The following SDF4 variants were observed in gnomAD, a reference collection of about 807,000 sequenced individuals.
SDF4 encodes the protein 45 kDa calcium-binding protein.
A neutral mutation model predicts 34.2 loss-of-function variants in SDF4; 22 were observed. The observed-to-expected ratio is 0.64, with a 90% CI of 0.46 to 0.92. The LOEUF (loss-of-function observed/expected upper bound fraction) is 0.92, where lower values mean the gene tolerates loss of function less well. Among genes scored for constraint, SDF4 ranks in the 40% least tolerant of loss-of-function variants. The pLI is 0.00. For synonymous variants in SDF4, 236 were observed against 203.1 expected, an observed-to-expected ratio of 1.16 and a Z score of -1.38; for missense variants, 447 against 499.9, an observed-to-expected ratio of 0.89 and a Z score of 1.01.
chr1:1,227,106 C>T (rs989138883), intron 2 of SDF4, among the ~76,000 whole-genome samples: 5 of 152,212 alleles, frequency 3.3e-5, no homozygotes, highest in Admixed American at 6.5e-5. Flanking sequence ...ACCTGTGCTC[C>T]GCCCGAAAGC....
chr1:1,219,203 A>AG, intron 4 of SDF4: 1 of 1,195,094 alleles, frequency 8.4e-7, no homozygotes, highest in Non-Finnish European at 1.0e-6. Flanking sequence ...GACAGCCTGG[A>AG]CCCCCCCCTG....
intron 4 of SDF4, among the ~76,000 whole-genome samples, chr1:1,221,824 G>A (rs1205220891): frequency 1.3e-5 from 2 of 152,160 alleles, no homozygotes. Flanking sequence ...GCCAGGCGCG[G>A]TGATGGTGCC....
Position 1,228,819 on chromosome 1 carries a change from G to C in SDF4, c.-47C>G. Reference sequence around the variant, plus strand: ...GGGGCGGGCTGCAGGGTGTGGGCCAGGTGCTGGGAGGGGCAGGGGCAGGGG... The same window carrying C: ...GGGGCGGGCTGCAGGGTGTGGGCCACGTGCTGGGAGGGGCAGGGGCAGGGG... On this transcript the variant is annotated 5_prime_UTR_variant, in exon 2 of 7. Coordinates refer to ENST00000360001, the MANE Select transcript of SDF4 (RefSeq NM_016176.6). 1.3e-6 allele frequency: 2 copies of C among 1,531,860 alleles called. No homozygotes were observed. Among genetic ancestry groups the C allele is most frequent in the South Asian group, 2.3e-5 (2 of 86,096 alleles). The allele number at this position is 1,531,860 out of a possible 1,614,324, so 94.9% of individuals were successfully genotyped here.
intron 2 of SDF4, among the ~76,000 whole-genome samples, chr1:1,224,898 C>T (rs1219353588): frequency 1.3e-5 from 2 of 152,170 alleles, no homozygotes; most frequent in African/African-American, 4.8e-5. Flanking sequence ...GGGCGGCATA[C>T]CGAGACCCTG....
Position 1,217,328 on chromosome 1 carries a change from A to C in SDF4, c.*184T>G. ...CCCGCGCCCCGACCGCGTCACAGCC[A>C]AAGCCCCGCCGGGGTGCGCGCTGCA... On this transcript the variant is annotated 3_prime_UTR_variant, in exon 7 of 7. Transcript: ENST00000360001. This position sits in a 1 kb window ranked among gnomAD's most constrained non-coding sequence, Gnocchi z 8.5. 2.9e-6 allele frequency: 1 copy of C among 341,390 alleles called. No individual in the cohort carries two copies. 21.1% of individuals were successfully genotyped at this position (341,390 alleles called of 1,614,324 possible).
rs933447818 is a variant in SDF4 at position 1,217,078 on chromosome 1, C to A, written c.*434G>T. On this transcript the variant is annotated 3_prime_UTR_variant, in exon 7 of 7. Transcript: ENST00000360001. This position sits in a 1 kb window ranked among gnomAD's most constrained non-coding sequence, Gnocchi z 8.5. ...GAACTTCCTGGCTACTCATTTCCAG[C>A]GAAGTTTAATCTATTTTTAATAATC... 6.6e-6 allele frequency: 1 copy of A among 152,266 alleles called. No homozygotes were observed. The highest frequency in any genetic ancestry group is 2.4e-5 in the African/African-American group (1 of 41,440). The allele number at this position is 152,266 out of a possible 1,614,324, so 9.4% of individuals were successfully genotyped here.
chr1:1,223,192 C>T (rs144882967), intron 4 of SDF4, 52 bp downstream of exon 4: 19 of 1,228,294 alleles, frequency 1.5e-5, no homozygotes, highest in African/African-American at 3.0e-5. Flanking sequence ...AACACACGCG[C>T]GCACACACAG....
rs113181123 is a variant in SDF4, at chr1:1,228,882, C to T, written c.-110G>A. On this transcript the variant is annotated 5_prime_UTR_variant, in exon 2 of 7. Transcript: ENST00000360001. ...TGAGGTCCTGGCTCCAATCCAATCC[C>T]CGGGCACCACGGAGGGCTCTGTGTC... 14 of 1,026,948 alleles carry T rather than the reference C, an allele frequency of 1.4e-5. No homozygotes were observed. Among genetic ancestry groups the T allele is most frequent in the African/African-American group, 8.0e-5 (5 of 62,340 alleles). 63.6% of individuals were successfully genotyped at this position (1,026,948 alleles called of 1,614,324 possible). A position where few individuals can be genotyped will look rare whatever the true frequency, so the allele number is the denominator to read the frequency against.
Position 1,228,893 on chromosome 1 carries a change from G to A in SDF4, c.-121C>T, listed in dbSNP as rs564465792. On this transcript the variant is annotated 5_prime_UTR_variant, in exon 2 of 7. Transcript: ENST00000360001. Reference sequence around the variant, plus strand: ...CTCCAATCCAATCCCCGGGCACCACGGAGGGCTCTGTGTCCCCAGGACGGC... The same window carrying A: ...CTCCAATCCAATCCCCGGGCACCACAGAGGGCTCTGTGTCCCCAGGACGGC... 221 of 919,798 alleles carry A rather than the reference G, an allele frequency of 2.4e-4. 2 individuals are homozygous for A. The Admixed American group carries it at 2.7e-3, about 11-fold the overall frequency. 57.0% of individuals were successfully genotyped at this position (919,798 alleles called of 1,614,324 possible).
chr1:1,224,973 C>T (rs932081725), intron 2 of SDF4, among the ~76,000 whole-genome samples: 17 of 152,082 alleles, frequency 1.1e-4, no homozygotes, highest in African/African-American at 3.4e-4. Context: ...GGAAGAAGAC[C>T]GTGTGGGGAC....
intron 3 of SDF4, 147 bp downstream of exon 3, chr1:1,223,685 A>AC: frequency 1.3e-6 from 1 of 767,530 alleles, no homozygotes; most frequent in South Asian, 1.8e-5. Context: ...GCTTCCGTGC[A>AC]CCCCACCACA....
intron 4 of SDF4, among the ~76,000 whole-genome samples, chr1:1,222,516 C>T (rs1300100665): frequency 1.3e-5 from 2 of 152,226 alleles, no homozygotes; most frequent in Admixed American, 1.3e-4. Context: ...CTGGTGACCA[C>T]CTGACGGCCA....
At chr1:1,223,198 C>A in intron 4 of SDF4, 46 bp downstream of exon 4, 1 of 1,343,286 alleles carries the variant, frequency 7.4e-7, no homozygotes, top group Non-Finnish European at 1.1e-6. Context: ...CGCGCGCACA[C>A]ACAGGATGCC....
At chr1:1,230,197 A>G (rs1638450906) in intron 1 of SDF4, among the ~76,000 whole-genome samples, 2 of 152,198 alleles carry the variant, frequency 1.3e-5, no homozygotes, top group Admixed American at 6.5e-5. Flanking sequence ...CCCTCAACAC[A>G]CATGGACTGA....
intron 4 of SDF4, chr1:1,219,656 C>T (rs192398389): frequency 3.3e-5 from 33 of 986,386 alleles, no homozygotes; most frequent in Admixed American, 6.1e-5. Flanking sequence ...CGTGCCCACC[C>T]GGCCCCAACG....
At chr1:1,226,875 CCT>C (rs926092397) in intron 2 of SDF4, among the ~76,000 whole-genome samples, 12 of 152,324 alleles carry the variant, frequency 7.9e-5, no homozygotes, top group African/African-American at 2.6e-4. Context: ...GGACCCTTCC[CCT>C]GTGATGCCGC....
At chr1:1,231,220 C>T (rs997013098) in intron 1 of SDF4, among the ~76,000 whole-genome samples, 4 of 152,198 alleles carry the variant, frequency 2.6e-5, no homozygotes, top group Non-Finnish European at 5.9e-5. Flanking sequence ...CACAGCGGAG[C>T]GGGCCGGTCC....
At chr1:1,221,786 T>C (rs1034664106) in intron 4 of SDF4, among the ~76,000 whole-genome samples, 1 of 152,080 alleles carries the variant, frequency 6.6e-6, no homozygotes, top group Non-Finnish European at 1.5e-5. Flanking sequence ...CACGGCAGAA[T>C]CTATCCGTAC....
chr1:1,221,554 T>C (rs956503616), intron 4 of SDF4, among the ~76,000 whole-genome samples: 1 of 151,808 alleles, frequency 6.6e-6, no homozygotes, highest in African/African-American at 2.4e-5. Flanking sequence ...GGAGGATAGA[T>C]TGAGCCCAGG....
Sources: gnomAD v4.1 joint callset for allele counts (sites outside exome capture counted in the v4.1 genomes callset) on GRCh38, gnomAD v4.1.1 for gene constraint, Gnocchi (gnomAD v3.1) non-coding constraint, MANE v1.5 for transcripts, NCBI Gene and HGNC (gene_info 2026-07-23, HGNC 2026-07-21) for gene names.